Variants in CFAP299 observed in about 807,000 individuals in gnomAD.
The protein encoded by CFAP299 is cilia- and flagella-associated protein 299.
CFAP299 carries 21 observed loss-of-function variants against 27.0 expected under a neutral mutation model. The observed-to-expected ratio is 0.78, with a 90% CI of 0.55 to 1.12. CFAP299 has a LOEUF of 1.12. Among genes scored for constraint, CFAP299 ranks in the 50% most tolerant of loss-of-function variants. The pLI, the probability that CFAP299 is intolerant of heterozygous loss-of-function variation, is 0.00. For missense variants in CFAP299, 310 were observed against 276.6 expected, an observed-to-expected ratio of 1.12 and a Z score of -0.86; for synonymous variants, 104 against 98.1, an observed-to-expected ratio of 1.06 and a Z score of -0.36.
intron 3 of CFAP299, among the ~76,000 whole-genome samples, chr4:80,851,652 A>G (rs1158066647): frequency 6.6e-6 from 1 of 152,168 alleles, no homozygotes; most frequent in Non-Finnish European, 1.5e-5. Flanking sequence ...TCAAAGCATC[A>G]AAACAATTGG....
chr4:80,424,300 G>C (rs1409872927), intron 2 of CFAP299, among the ~76,000 whole-genome samples: 13 of 152,326 alleles, frequency 8.5e-5, no homozygotes, highest in African/African-American at 2.6e-4. Flanking sequence ...CACATTCTAG[G>C]AATGGAGTGA....
chr4:80,583,289 A>G, intron 3 of CFAP299, 106 bp downstream of exon 3: 1 of 548,364 alleles, frequency 1.8e-6, no homozygotes, highest in South Asian at 4.1e-5. Context: ...ACAAGATATA[A>G]AATATGATTC....
At chr4:80,678,262 T>G (rs1015131753) in intron 3 of CFAP299, among the ~76,000 whole-genome samples, 30 of 152,074 alleles carry the variant, frequency 2.0e-4, no homozygotes, top group Admixed American at 1.3e-4. Flanking sequence ...GTTCTTTTTC[T>G]TTTATGGCAA....
rs375324339 is a variant in CFAP299 at position 80,896,912 on chromosome 4, C to A, written c.476+26777C>A. Among the ~76,000 whole-genome samples, 9 of 152,192 alleles carry A rather than the reference C, an allele frequency of 5.9e-5. No homozygotes were observed. The South Asian group carries it at 1.9e-3, about 32-fold the overall frequency. On this transcript the variant is annotated intron_variant, in intron 4 of 5. Transcript: ENST00000358105. ...TATTATAAGGGCTATATTAATGCAT[C>A]TGATTAAGGTGTGATTAATCAATCA...
At chr4:80,529,596 T>C (rs1163119460) in intron 2 of CFAP299, among the ~76,000 whole-genome samples, 1 of 152,204 alleles carries the variant, frequency 6.6e-6, no homozygotes, top group Non-Finnish European at 1.5e-5. Context: ...CCATAATATA[T>C]ATTTTTAATC....
intron 2 of CFAP299, among the ~76,000 whole-genome samples, chr4:80,493,952 T>C (rs1167323026): frequency 6.6e-6 from 1 of 151,688 alleles, no homozygotes; most frequent in Non-Finnish European, 1.5e-5. Context: ...ATTTTTTGTA[T>C]TTTTAGTAGA....
At chr4:80,607,580 T>C (rs1004319891) in intron 3 of CFAP299, among the ~76,000 whole-genome samples, 3 of 152,004 alleles carry the variant, frequency 2.0e-5, no homozygotes, top group Admixed American at 6.6e-5. Context: ...AAATGAATTG[T>C]AAGACAGAAA....
chr4:80,410,688 T>C (rs1726675788), intron 2 of CFAP299, among the ~76,000 whole-genome samples: 1 of 152,224 alleles, frequency 6.6e-6, no homozygotes, highest in African/African-American at 2.4e-5. Context: ...GCTAATGTTA[T>C]ATTGAAGATG....
intron 3 of CFAP299, among the ~76,000 whole-genome samples, chr4:80,636,761 C>T (rs1219396120): frequency 6.6e-6 from 1 of 152,172 alleles, no homozygotes; most frequent in Admixed American, 6.6e-5. Flanking sequence ...TGTACTCATT[C>T]ATTTACCTAT....
intron 3 of CFAP299, among the ~76,000 whole-genome samples, chr4:80,715,576 C>G (rs1050944288): frequency 2.0e-5 from 3 of 151,818 alleles, no homozygotes; most frequent in African/African-American, 2.4e-5. Flanking sequence ...TTTGTGTTAT[C>G]AAAGAAATAT....
chr4:80,670,990 T>A (rs1226234433), intron 3 of CFAP299, among the ~76,000 whole-genome samples: 1 of 152,242 alleles, frequency 6.6e-6, no homozygotes, highest in African/African-American at 2.4e-5. Context: ...GCTCTTTAGT[T>A]TAATTAGATC....
At chr4:80,686,772 T>C (rs1048946687) in intron 3 of CFAP299, among the ~76,000 whole-genome samples, 2 of 152,190 alleles carry the variant, frequency 1.3e-5, no homozygotes, top group African/African-American at 2.4e-5. Context: ...AATGAAAATA[T>C]GGACAAATTC....
At chr4:80,772,571 G>A (rs906719643) in intron 3 of CFAP299, among the ~76,000 whole-genome samples, 13 of 151,902 alleles carry the variant, frequency 8.6e-5, no homozygotes, top group Admixed American at 8.5e-4. Context: ...TTTACTTTAA[G>A]TTCTGGGGTA....
chr4:80,825,710 A>G (rs944589615), intron 3 of CFAP299, among the ~76,000 whole-genome samples: 1 of 151,976 alleles, frequency 6.6e-6, no homozygotes, highest in African/African-American at 2.4e-5. Flanking sequence ...GAGGGAGCTT[A>G]TTACTACTAG....
chr4:80,725,856 G>C (rs972908133), intron 3 of CFAP299, among the ~76,000 whole-genome samples: 1 of 152,126 alleles, frequency 6.6e-6, no homozygotes, highest in Non-Finnish European at 1.5e-5. Context: ...TAGTGATAGA[G>C]GACACTTTCC....
Position 80,851,458 on chromosome 4 carries a change from T to G in CFAP299, c.334-18535T>G, listed in dbSNP as rs561925143. 1.1e-4 allele frequency among the ~76,000 whole-genome samples: 17 copies of G among 152,292 alleles called. 1 individual carries two copies. In the East Asian group the frequency reaches 2.5e-3, roughly 22 times the overall value. On this transcript the variant is annotated intron_variant, in intron 3 of 5. Transcript: ENST00000358105. ...ACTATGCATTTCATTATTTCACGAT[T>G]ATGTCATTTTACACTTATAAAAATG...
intron 3 of CFAP299, among the ~76,000 whole-genome samples, chr4:80,589,730 A>G (rs1736627828): frequency 6.6e-6 from 1 of 152,210 alleles, no homozygotes; most frequent in African/African-American, 2.4e-5. Context: ...ATCAGAGACA[A>G]GAGAATTAAA....
chr4:80,492,824 T>G (rs1253683720), intron 2 of CFAP299, among the ~76,000 whole-genome samples: 2 of 152,182 alleles, frequency 1.3e-5, no homozygotes, highest in Non-Finnish European at 2.9e-5. Context: ...GTAAGCAGGC[T>G]TAGGATTGGC....
At chr4:80,829,339 T>C (rs1266505770) in intron 3 of CFAP299, among the ~76,000 whole-genome samples, 1 of 151,962 alleles carries the variant, frequency 6.6e-6, no homozygotes, top group African/African-American at 2.4e-5. Context: ...TCAATATCAC[T>C]AATCATTAGA....
Sources: gnomAD v4.1 joint callset for allele counts (sites outside exome capture counted in the v4.1 genomes callset) on GRCh38, gnomAD v4.1.1 for gene constraint, MANE v1.5 for transcripts, NCBI Gene and HGNC (gene_info 2026-07-23, HGNC 2026-07-21) for gene names.